BBOF1: variants seen among roughly 807,000 people sequenced by gnomAD.
BBOF1 encodes basal body-orientation factor 1.
A neutral mutation model predicts 68.0 loss-of-function variants in BBOF1; 62 were observed. The observed-to-expected ratio is 0.91, with a 90% CI of 0.74 to 1.13. The LOEUF is 1.13. Among genes scored for constraint, BBOF1 ranks in the 50% most tolerant of loss-of-function variants. The pLI, the probability that BBOF1 is intolerant of heterozygous loss-of-function variation, is 0.00. For synonymous variants in BBOF1, 208 were observed against 198.8 expected (o/e 1.05, Z -0.39); for missense variants, 534 against 600.1 (o/e 0.89, Z 1.15).
At chr14:74,052,949 ATGG>A (rs2060101004) in intron 8 of BBOF1, among the ~76,000 whole-genome samples, 1 of 828 alleles carries the variant, frequency 1.2e-3, no homozygotes, top group Non-Finnish European at 2.2e-3. Flanking sequence ...GCAGTGAGCC[ATGG>A]CTGCAGTGAG....
intron 2 of BBOF1, among the ~76,000 whole-genome samples, chr14:74,024,637 TG>T (rs1230779520): frequency 6.6e-6 from 1 of 152,072 alleles, no homozygotes; most frequent in African/African-American, 2.4e-5. Flanking sequence ...GCTAATTTTT[TG>T]TATTTTTGGT....
rs1442986560 is a variant in BBOF1 at position 74,064,777 on chromosome 14, A to G, written c.*78A>G. 1.9e-6 allele frequency: 3 copies of G among 1,612,122 alleles called. No individual in the cohort carries two copies. Among genetic ancestry groups the G allele is most frequent in the Non-Finnish European group, 2.5e-6 (3 of 1,178,266 alleles). On this transcript the variant is annotated 3_prime_UTR_variant, in exon 12 of 12. Transcript: ENST00000394009. ...ATCCTTGCTCCTGAATATCTTTAAGAAAATTTCTTAAAGGAAAAGACAAAA... is the reference window on the plus strand; with the variant it reads ...ATCCTTGCTCCTGAATATCTTTAAGGAAATTTCTTAAAGGAAAAGACAAAA...
intron 9 of BBOF1, among the ~76,000 whole-genome samples, chr14:74,073,588 T>A (rs1055182748): frequency 2.6e-5 from 4 of 152,194 alleles, no homozygotes; most frequent in African/African-American, 9.6e-5. Context: ...CCCAGCTGAC[T>A]GTTACATTAC....
At chr14:74,079,822 G>A (rs2060653856) in intron 10 of BBOF1, among the ~76,000 whole-genome samples, 2 of 152,106 alleles carry the variant, frequency 1.3e-5, no homozygotes. Context: ...GCCCACCTTG[G>A]CCTCCCAAAG....
intron 4 of BBOF1, 110 bp downstream of exon 4, chr14:74,034,281 C>T (rs985878102): frequency 7.3e-6 from 5 of 685,570 alleles, no homozygotes; most frequent in African/African-American, 1.9e-5. Flanking sequence ...CTCTCTTTGA[C>T]ATTTTAGAAA....
At chr14:74,037,900 A>T (rs2059745583) in intron 4 of BBOF1, among the ~76,000 whole-genome samples, 1 of 151,524 alleles carries the variant, frequency 6.6e-6, no homozygotes, top group Admixed American at 6.6e-5. Context: ...GGTTGCAGTG[A>T]GCTGAGATCG....
At chr14:74,069,951 A>G (rs1168952024), downstream of BBOF1, among the ~76,000 whole-genome samples, 1 of 149,322 alleles carries the variant, frequency 6.7e-6, no homozygotes, top group Non-Finnish European at 1.5e-5. Flanking sequence ...TGCCAGGCTC[A>G]AGCTGTCTTC....
At chr14:74,071,095 C>T in intron 9 of BBOF1, 1 of 1,161,810 alleles carries the variant, frequency 8.6e-7, no homozygotes, top group Admixed American at 1.7e-5. Context: ...ATCCTTTCCT[C>T]CTTACAAGTA....
At chr14:74,072,919 C>G (rs935916705) in intron 9 of BBOF1, among the ~76,000 whole-genome samples, 3 of 151,942 alleles carry the variant, frequency 2.0e-5, no homozygotes, top group African/African-American at 7.3e-5. Flanking sequence ...CTTGCCTCAG[C>G]CCTTCGAGTA....
chr14:74,046,113 C>A lies in BBOF1; in HGVS notation c.630C>A (p.Ala210=), dbSNP rs141857440. ...EKKIIMLAER[A]HHEAIVQLND... ...AGATAATAATGCTAGCAGAGAGAGCCCACCATGAGGCTATTGTGTAAGAGA... is the reference window on the plus strand; with the variant it reads ...AGATAATAATGCTAGCAGAGAGAGCACACCATGAGGCTATTGTGTAAGAGA... Residue 210 remains alanine (A), a synonymous_variant, in exon 6 of 12, where the codon GCC becomes GCA. Transcript: ENST00000394009. 0.014 allele frequency: 22,598 copies of A among 1,607,698 alleles called. 211 individuals carry two copies. Among genetic ancestry groups the A allele is most frequent in the Non-Finnish European group, 0.017 (20,060 of 1,176,968 alleles).
intron 9 of BBOF1, chr14:74,071,115 T>C (rs969252013): frequency 7.5e-7 from 1 of 1,329,688 alleles, no homozygotes. Context: ...AGGTTCCTTA[T>C]CCTAAAACAT....
chr14:74,066,571 A>G, downstream of BBOF1: 1 of 953,646 alleles, frequency 1.0e-6, no homozygotes, highest in Non-Finnish European at 1.6e-6. Flanking sequence ...GACTCCAGAT[A>G]AAATAATTGA....
rs891449814 is a variant in BBOF1 at position 74,057,899 on chromosome 14, G to GT, written c.1578+648dup. The GT allele has an allele frequency of 2.0e-5, 20 of 995,118 alleles. No homozygotes were observed. In the South Asian group the frequency reaches 3.1e-4, roughly 15 times the overall value. The allele number at this position is 995,118 out of a possible 1,614,324, so 61.6% of individuals were successfully genotyped here. A position where few individuals can be genotyped will look rare whatever the true frequency, so the allele number is the denominator to read the frequency against. The stretch of plus-strand genomic sequence containing the variant: ...AGAGCATCACAGTTCTGATTAGTGT[G>GT]TTTTTTTAGAAGTGATTTCCCTTAA... On this transcript the variant is annotated intron_variant, in intron 11 of 11. Coordinates refer to ENST00000394009, the MANE Select transcript of BBOF1 (RefSeq NM_025057.3).
At chr14:74,072,120 AG>A in intron 9 of BBOF1, 3 of 1,599,214 alleles carry the variant, frequency 1.9e-6, no homozygotes, top group Non-Finnish European at 2.6e-6. Context: ...AGAGTAAGGG[AG>A]GGTGGCTGAA....
chr14:74,052,240 C>T (rs1196196035), intron 8 of BBOF1, among the ~76,000 whole-genome samples: 1 of 151,774 alleles, frequency 6.6e-6, no homozygotes, highest in Non-Finnish European at 1.5e-5. Flanking sequence ...ACTGCAGTAA[C>T]TGGACTCTTC....
At position 74,059,631 on chromosome 14, in the gene BBOF1, G is replaced by T. The variant is rs181399266; in HGVS notation, c.1578+2373G>T. On this transcript the variant is annotated intron_variant, in intron 11 of 11. Transcript: ENST00000394009. ...AATCGCTTGAACCTGGGAGGCGGAG[G>T]TTGCGGTGAGCTGAGATCACGCCAT... The T allele has an allele frequency of 6.9e-4, 167 of 240,410 alleles. No homozygotes were observed. The highest frequency in any genetic ancestry group is 1.7e-3 in the Middle Eastern group (1 of 600). The allele number at this position is 240,410 out of a possible 1,614,324, so 14.9% of individuals were successfully genotyped here.
At chr14:74,031,747 C>G (rs74062577) in intron 3 of BBOF1, 271 of 152,288 alleles carry the variant, frequency 1.8e-3, no homozygotes, top group African/African-American at 6.4e-3. Flanking sequence ...ACCTAACTAC[C>G]TCCCAAAGGT....
At chr14:74,063,872 A>G (rs1390226055) in intron 11 of BBOF1, among the ~76,000 whole-genome samples, 1 of 151,708 alleles carries the variant, frequency 6.6e-6, no homozygotes, top group East Asian at 1.9e-4. Context: ...TCTCAAAAAA[A>G]AAAAAAAAAT....
At chr14:74,030,826 C>A (rs1048628292) in intron 3 of BBOF1, among the ~76,000 whole-genome samples, 1 of 151,366 alleles carries the variant, frequency 6.6e-6, no homozygotes, top group Non-Finnish European at 1.5e-5. Flanking sequence ...CTGTAGAAAA[C>A]CATTTTATTT....
Sources: gnomAD v4.1 joint callset for allele counts (sites outside exome capture counted in the v4.1 genomes callset) on GRCh38, gnomAD v4.1.1 for gene constraint, MANE v1.5 for transcripts, NCBI Gene and HGNC (gene_info 2026-07-23, HGNC 2026-07-21) for gene names.